FAM53B: variants seen among roughly 807,000 people sequenced by gnomAD.
The protein encoded by FAM53B is family with sequence similarity 53 member B, also known as protein FAM53B.
In FAM53B, 12 loss-of-function variants were observed where a neutral mutation model predicts 32.7. That is an observed-to-expected ratio of 0.37 (90% CI 0.24 to 0.59). The LOEUF is 0.59. Among genes scored for constraint, FAM53B ranks in the 20% least tolerant of loss-of-function variants. FAM53B has a pLI of 0.72. For synonymous variants in FAM53B, 234 were observed against 228.7 expected, an observed-to-expected ratio of 1.02 and a Z score of -0.21; for missense variants, 477 against 577.7, an observed-to-expected ratio of 0.83 and a Z score of 1.79.
rs572653261 is a variant in FAM53B at position 124,632,599 on chromosome 10, G to C, written c.907-8995C>G. On this transcript the variant is annotated intron_variant, in intron 4 of 4. Coordinates refer to ENST00000337318, the MANE Select transcript of FAM53B (RefSeq NM_014661.4). ...GCATTCAGCTGCCTGGGGCCACATCGGGGTGCTGAAGACAGGACTGCTGAG... is the reference window on the plus strand; with the variant it reads ...GCATTCAGCTGCCTGGGGCCACATCCGGGTGCTGAAGACAGGACTGCTGAG... Among the ~76,000 whole-genome samples the C allele has an allele frequency of 2.0e-5, 3 of 152,360 alleles. No individual in the cohort carries two copies. The South Asian group carries it at 6.2e-4, about 32-fold the overall frequency.
In FAM53B at chr10:124,619,436, G is replaced by A. The variant is rs908951560; in HGVS notation, c.*3806C>T. 1.4e-4 allele frequency: 21 copies of A among 152,450 alleles called. No individual in the cohort carries two copies. Among genetic ancestry groups the A allele is most frequent in the African/African-American group, 4.1e-4 (17 of 41,404 alleles). 9.4% of individuals were successfully genotyped at this position (152,450 alleles called of 1,614,324 possible). On this transcript the variant is annotated 3_prime_UTR_variant, in exon 5 of 5. Transcript: ENST00000337318. ...GGCAGACCCTGGGCCCCGGGTCTAC[G>A]CTTTCTGGTCGCCACACTTCCTGAA...
At chr10:124,646,345 C>T (rs1305053394) in intron 4 of FAM53B, among the ~76,000 whole-genome samples, 1 of 152,222 alleles carries the variant, frequency 6.6e-6, no homozygotes, top group Non-Finnish European at 1.5e-5. Context: ...TCTGCTCTGG[C>T]CCCGCAATGG....
chr10:124,657,600 C>A (rs1459313504), intron 4 of FAM53B, among the ~76,000 whole-genome samples: 4 of 152,102 alleles, frequency 2.6e-5, no homozygotes, highest in Non-Finnish European at 2.9e-5. Context: ...AACTTTTTTA[C>A]AAGTATGCAT....
At chr10:124,693,190 C>G (rs149802215) in intron 3 of FAM53B, among the ~76,000 whole-genome samples, 139 of 152,074 alleles carry the variant, frequency 9.1e-4, no homozygotes, top group African/African-American at 3.3e-3. Flanking sequence ...AAAGCAGGCA[C>G]GCCGGGCGCG....
chr10:124,645,541 A>C (rs1949507155), intron 4 of FAM53B, among the ~76,000 whole-genome samples: 1 of 152,204 alleles, frequency 6.6e-6, no homozygotes. Context: ...GGATTTTGCC[A>C]GGCAGTTGCT....
intron 4 of FAM53B, among the ~76,000 whole-genome samples, chr10:124,638,563 G>A (rs1205326094): frequency 6.6e-6 from 1 of 152,206 alleles, no homozygotes; most frequent in Non-Finnish European, 1.5e-5. Context: ...GATGGTGCCA[G>A]CTGCACCACG....
intron 3 of FAM53B, among the ~76,000 whole-genome samples, chr10:124,684,608 C>T (rs1017327659): frequency 6.6e-6 from 1 of 152,206 alleles, no homozygotes; most frequent in African/African-American, 2.4e-5. Flanking sequence ...CAACCTCCAC[C>T]TCCCAGATTC....
rs1441543429 is a variant in FAM53B, at chr10:124,664,481, C to T, written c.906+17126G>A. The stretch of plus-strand genomic sequence containing the variant: ...GACCTGGGCTCCAAGCCCAGATCCG[C>T]CATCACAATCTGCCTTTCTACCAGG... On this transcript the variant is annotated intron_variant, in intron 4 of 4. Coordinates refer to ENST00000337318, the MANE Select transcript of FAM53B (RefSeq NM_014661.4). Among the ~76,000 whole-genome samples, 6 of 152,328 alleles carry T rather than the reference C, an allele frequency of 3.9e-5. No individual in the cohort carries two copies. In the East Asian group the frequency reaches 1.2e-3, roughly 29 times the overall value.
chr10:124,679,669 C>T (rs964479358), intron 4 of FAM53B, among the ~76,000 whole-genome samples: 3 of 152,198 alleles, frequency 2.0e-5, no homozygotes, highest in Non-Finnish European at 4.4e-5. Context: ...TCCCTGTGCC[C>T]GAGACCCACT....
chr10:124,719,423 C>T (rs925500970), intron 1 of FAM53B, among the ~76,000 whole-genome samples: 7 of 152,152 alleles, frequency 4.6e-5, no homozygotes, highest in Non-Finnish European at 1.0e-4. Context: ...CTTGGGATGC[C>T]AAGGTGAACT....
At chr10:124,635,089 T>G (rs933138845) in intron 4 of FAM53B, among the ~76,000 whole-genome samples, 1 of 55,736 alleles carries the variant, frequency 1.8e-5, no homozygotes, top group African/African-American at 3.9e-5. Flanking sequence ...TATTTTATTT[T>G]TTATTTTTAT....
chr10:124,624,648 A>G (rs1301991694), intron 4 of FAM53B, among the ~76,000 whole-genome samples: 2 of 152,092 alleles, frequency 1.3e-5, no homozygotes, highest in African/African-American at 2.4e-5. Flanking sequence ...GGCCTGCCCG[A>G]GCGGCAGGCA....
rs1307172960 is a variant in FAM53B, at chr10:124,689,952, AG to A, written c.133+6205del. 2.0e-5 allele frequency among the ~76,000 whole-genome samples: 3 copies of A among 152,222 alleles called. No homozygotes were observed. The East Asian group carries it at 5.8e-4, about 29-fold the overall frequency. On this transcript the variant is annotated intron_variant, in intron 3 of 4. Coordinates refer to ENST00000337318, the MANE Select transcript of FAM53B (RefSeq NM_014661.4). ...CTCCCACAGGCGTTCATAAATGTAC[AG>A]GGAACAGCTAGTATTTGCACTGGCA...
intron 1 of FAM53B, among the ~76,000 whole-genome samples, chr10:124,709,344 G>A (rs567371570): frequency 9.8e-5 from 15 of 152,308 alleles, no homozygotes; most frequent in Non-Finnish European, 1.6e-4. Context: ...AGGCAAAGAC[G>A]GGGCACCCCA....
chr10:124,689,247 G>A (rs1949819214), intron 3 of FAM53B, among the ~76,000 whole-genome samples: 1 of 152,152 alleles, frequency 6.6e-6, no homozygotes, highest in South Asian at 2.1e-4. Context: ...TTGCTAAACT[G>A]ATCTTACGAA....
intron 4 of FAM53B, among the ~76,000 whole-genome samples, chr10:124,678,279 G>A (rs2134066733): frequency 6.6e-6 from 1 of 152,342 alleles, no homozygotes; most frequent in East Asian, 1.9e-4. Context: ...GCCTGTGCCA[G>A]CCAATGCACT....
At chr10:124,689,074 TA>T (rs1053677541) in intron 3 of FAM53B, among the ~76,000 whole-genome samples, 1 of 152,220 alleles carries the variant, frequency 6.6e-6, no homozygotes, top group African/African-American at 2.4e-5. Flanking sequence ...ATTTCACACC[TA>T]TCTACTTGTG....
intron 1 of FAM53B, among the ~76,000 whole-genome samples, chr10:124,717,156 C>T (rs1950042816): frequency 6.6e-6 from 1 of 152,228 alleles, no homozygotes; most frequent in Non-Finnish European, 1.5e-5. Flanking sequence ...CTTACTGGCT[C>T]TGCCCAGTTT....
Position 124,733,821 on chromosome 10 carries a change from C to G in FAM53B, c.-175+10192G>C, listed in dbSNP as rs942382680. Among the ~76,000 whole-genome samples, 3 of 152,228 alleles carry G rather than the reference C, an allele frequency of 2.0e-5. No individual in the cohort carries two copies. Among genetic ancestry groups the G allele is most frequent in the Non-Finnish European group, 4.4e-5 (3 of 68,038 alleles). On this transcript the variant is annotated intron_variant, in intron 1 of 4. Transcript: ENST00000337318. The surrounding 1 kb of genome is among the most constrained non-coding windows in gnomAD (Gnocchi z 4.3). ...CAGTGTCACCCCGAAGGTGGGCTTT[C>G]TCCCAGCCCTTCGCCCTTCCCTTTA...
Sources: allele counts gnomAD v4.1 joint callset (sites outside exome capture counted in the v4.1 genomes callset), GRCh38; gene constraint gnomAD v4.1.1; non-coding constraint Gnocchi (gnomAD v3.1); transcripts MANE v1.5; gene names NCBI Gene and HGNC (gene_info 2026-07-23, HGNC 2026-07-21).